Variants in PCDH15 observed in about 807,000 individuals in gnomAD.
The protein encoded by PCDH15 is protocadherin-15.
Under a neutral mutation model 178.5 loss-of-function variants are expected in PCDH15, and 129 were observed. The ratio of observed to expected loss-of-function variants is 0.72; its 90% CI spans 0.63 to 0.84. PCDH15 has a LOEUF of 0.84. Ranked by LOEUF, PCDH15 falls within the 40% of genes least tolerant of loss-of-function variation. The pLI is 0.00. For synonymous variants in PCDH15, 800 were observed against 732.0 expected (o/e 1.09, Z -1.50); for missense variants, 2,230 against 2,099.9 (o/e 1.06, Z -1.21).
At chr10:53,919,284 A>G (rs1201856929) in intron 25 of PCDH15, among the ~76,000 whole-genome samples, 1 of 152,162 alleles carries the variant, frequency 6.6e-6, no homozygotes, top group African/African-American at 2.4e-5. Context: ...TGTTCTTTTC[A>G]ATGTAAAATT....
At chr10:54,473,901 TTTG>T (rs1328944028) in intron 3 of PCDH15, among the ~76,000 whole-genome samples, 2 of 151,822 alleles carry the variant, frequency 1.3e-5, no homozygotes, top group African/African-American at 2.4e-5. Context: ...TATTATATAT[TTTG>T]TTATTTTTAA....
At chr10:55,392,059 T>G (rs964119530) in intron 2 of PCDH15, among the ~76,000 whole-genome samples, 1 of 152,188 alleles carries the variant, frequency 6.6e-6, no homozygotes, top group Non-Finnish European at 1.5e-5. Context: ...GGAAAGAGTC[T>G]TGGTGCAATC....
At chr10:54,238,705 ACACAC>A (rs1255241876) in intron 8 of PCDH15, among the ~76,000 whole-genome samples, 2 of 151,048 alleles carry the variant, frequency 1.3e-5, no homozygotes, top group African/African-American at 2.4e-5. Context: ...ACACACACAC[ACACAC>A]ACACTTTCCC....
intron 2 of PCDH15, among the ~76,000 whole-genome samples, chr10:55,360,485 T>A (rs192800171): frequency 3.3e-5 from 5 of 151,778 alleles, no homozygotes; most frequent in Admixed American, 2.6e-4. Flanking sequence ...AAATTGTATA[T>A]CTAGGAAACA....
chr10:55,128,230 T>G (rs1837953023), intron 2 of PCDH15, among the ~76,000 whole-genome samples: 1 of 151,972 alleles, frequency 6.6e-6, no homozygotes, highest in African/African-American at 2.4e-5. Context: ...CTTACTACCA[T>G]CCTTTTTTTT....
chr10:55,534,443 A>C (rs1412266822), intron 2 of PCDH15, among the ~76,000 whole-genome samples: 1 of 152,062 alleles, frequency 6.6e-6, no homozygotes, highest in Non-Finnish European at 1.5e-5. Context: ...AAGAAAATAT[A>C]CAGGTGACCA....
intron 2 of PCDH15, among the ~76,000 whole-genome samples, chr10:55,029,338 G>GTATA (rs1041176648): frequency 1.2e-4 from 18 of 151,836 alleles, no homozygotes; most frequent in African/African-American, 4.4e-4. Context: ...GAATATGCAT[G>GTATA]TATATATATA....
At chr10:54,576,973 G>A (rs999209183) in intron 2 of PCDH15, among the ~76,000 whole-genome samples, 1 of 152,062 alleles carries the variant, frequency 6.6e-6, no homozygotes, top group African/African-American at 2.4e-5. Flanking sequence ...AAGTCTTTAT[G>A]CAAAGATAGA....
At chr10:55,320,902 A>G (rs1234780315), upstream of PCDH15, among the ~76,000 whole-genome samples, 1 of 152,224 alleles carries the variant, frequency 6.6e-6, no homozygotes, top group Non-Finnish European at 1.5e-5. Context: ...TGACCACACT[A>G]GTTCCATACC....
chr10:54,969,468 T>C lies in PCDH15; in HGVS notation c.-79-71968A>G, dbSNP rs185751220. ...CCTATGTGAATGTTGAGATGATTTCTCTGTTCTTTTCAGGTTCTTTCCATA... is the reference window on the plus strand; with the variant it reads ...CCTATGTGAATGTTGAGATGATTTCCCTGTTCTTTTCAGGTTCTTTCCATA... On this transcript the variant is annotated intron_variant, in intron 2 of 5. Transcript: ENST00000458638. Among the ~76,000 whole-genome samples the C allele has an allele frequency of 1.8e-4, 27 of 152,346 alleles. No individual in the cohort carries two copies. The East Asian group carries it at 4.6e-3, about 26-fold the overall frequency.
chr10:55,378,414 A>C (rs1248734011), intron 2 of PCDH15, among the ~76,000 whole-genome samples: 1 of 152,108 alleles, frequency 6.6e-6, no homozygotes, highest in Non-Finnish European at 1.5e-5. Flanking sequence ...ATTTGGTGCT[A>C]TTCTCATACT....
At chr10:54,903,394 A>G (rs1355898538) in intron 2 of PCDH15, among the ~76,000 whole-genome samples, 5 of 152,176 alleles carry the variant, frequency 3.3e-5, no homozygotes. Flanking sequence ...AGTATACCAA[A>G]TTCATTTTGA....
chr10:54,964,415 C>T (rs57818114), intron 2 of PCDH15, among the ~76,000 whole-genome samples: 338 of 152,268 alleles, frequency 2.2e-3, no homozygotes, highest in African/African-American at 7.7e-3. Flanking sequence ...ATTATCCTTA[C>T]TCTCCTATTA....
At chr10:53,852,869 C>G in intron 28 of PCDH15, among the ~76,000 whole-genome samples, 1 of 151,978 alleles carries the variant, frequency 6.6e-6, no homozygotes, top group East Asian at 1.9e-4. Flanking sequence ...AAGAATGTCA[C>G]AGGGAATTAA....
chr10:54,611,239 A>C (rs1434848482), intron 2 of PCDH15, among the ~76,000 whole-genome samples: 3 of 151,834 alleles, frequency 2.0e-5, no homozygotes, highest in Non-Finnish European at 4.4e-5. Context: ...TGCAAAATTT[A>C]ACAGAGAAGC....
Position 54,147,139 on chromosome 10 carries a change from A to C in PCDH15, c.1784+5961T>G, listed in dbSNP as rs1409209902. On this transcript the variant is annotated intron_variant, in intron 14 of 37. Coordinates refer to ENST00000644397, the MANE Select transcript of PCDH15 (RefSeq NM_001384140.1). ...TCAGTTCATTCATCAATTCAATTTG[A>C]AGGATTAACTCCTCTCCAGAAAATA... Among the ~76,000 whole-genome samples the C allele has an allele frequency of 2.0e-5, 3 of 151,124 alleles. No individual in the cohort carries two copies. In the Admixed American group the frequency reaches 2.0e-4, roughly 10 times the overall value.
chr10:54,265,956 C>T (rs2057649296), intron 8 of PCDH15, among the ~76,000 whole-genome samples: 1 of 151,876 alleles, frequency 6.6e-6, no homozygotes, highest in Non-Finnish European at 1.5e-5. Context: ...AACACTCTAC[C>T]CAACAAACCA....
intron 1 of PCDH15, among the ~76,000 whole-genome samples, chr10:54,783,616 T>C (rs568048684): frequency 1.4e-4 from 21 of 152,138 alleles, no homozygotes; most frequent in Admixed American, 1.3e-3. Flanking sequence ...CAGAGAGATA[T>C]GGACTTCCAG....
At chr10:54,523,134 T>G (rs74482918) in intron 3 of PCDH15, among the ~76,000 whole-genome samples, 2,607 of 152,208 alleles carry the variant, frequency 0.017, 62 homozygotes, top group African/African-American at 0.06. Flanking sequence ...ATTTTTGGAA[T>G]GAGAACCAAG....
Sources: allele counts gnomAD v4.1 joint callset (sites outside exome capture counted in the v4.1 genomes callset), GRCh38; gene constraint gnomAD v4.1.1; transcripts MANE v1.5; gene names NCBI Gene and HGNC (gene_info 2026-07-23, HGNC 2026-07-21).